MAJIN: variants seen among roughly 807,000 people sequenced by gnomAD.
MAJIN encodes the protein membrane anchored junction protein.
Under a neutral mutation model 30.2 loss-of-function variants are expected in MAJIN, and 27 were observed. The ratio of observed to expected loss-of-function variants is 0.89; its 90% CI spans 0.66 to 1.23. MAJIN has a LOEUF of 1.23. MAJIN is among the 50% of genes most tolerant of loss of function. The pLI is 0.00. For missense variants in MAJIN, 253 were observed against 260.3 expected, an observed-to-expected ratio of 0.97 and a Z score of 0.19; for synonymous variants, 78 against 91.6, an observed-to-expected ratio of 0.85 and a Z score of 0.85.
intron 2 of MAJIN, among the ~76,000 whole-genome samples, chr11:64,959,635 A>G (rs1051322035): frequency 6.6e-6 from 1 of 152,192 alleles, no homozygotes; most frequent in Admixed American, 6.5e-5. Flanking sequence ...TGCAGTCAAA[A>G]GCCCAGAATT....
intron 3 of MAJIN, 24 bp from the exon 4 acceptor site, chr11:64,954,826 C>G: frequency 6.3e-7 from 1 of 1,590,108 alleles, no homozygotes; most frequent in Non-Finnish European, 8.6e-7. Context: ...AGACAAGAGA[C>G]AAGTAAGACA....
chr11:64,969,892 A>G (rs1945871246), intron 1 of MAJIN, among the ~76,000 whole-genome samples: 1 of 152,050 alleles, frequency 6.6e-6, no homozygotes, highest in Non-Finnish European at 1.5e-5. Flanking sequence ...TAAAAGCACC[A>G]TTTTCTGAAA....
chr11:64,963,588 A>C (rs1945760525), intron 1 of MAJIN, among the ~76,000 whole-genome samples: 1 of 152,206 alleles, frequency 6.6e-6, no homozygotes, highest in Admixed American at 6.5e-5. Flanking sequence ...CTGTAATCTC[A>C]GCACTTTGGG....
intron 4 of MAJIN, chr11:64,954,508 G>T: frequency 3.4e-6 from 2 of 587,732 alleles, no homozygotes; most frequent in Non-Finnish European, 6.2e-6. Context: ...CCCAAGGCTG[G>T]AAACTGGTGA....
intron 3 of MAJIN, among the ~76,000 whole-genome samples, chr11:64,956,763 G>GTTTTT (rs398016405): frequency 1.2e-4 from 12 of 102,498 alleles, no homozygotes; most frequent in East Asian, 3.1e-4. Flanking sequence ...CATATAAGCT[G>GTTTTT]TTTTTTTTTT....
At chr11:64,959,473 T>C in intron 2 of MAJIN, 51 bp from the exon 3 acceptor site, 1 of 1,486,284 alleles carries the variant, frequency 6.7e-7, no homozygotes, top group Middle Eastern at 1.8e-4. Context: ...TGTTCCTTAT[T>C]TACAGGAAAG....
intron 8 of MAJIN, among the ~76,000 whole-genome samples, chr11:64,943,195 T>G (rs1945404044): frequency 6.6e-6 from 1 of 152,186 alleles, no homozygotes; most frequent in African/African-American, 2.4e-5. Flanking sequence ...CGAACAGATA[T>G]AGCAAAACAA....
intron 3 of MAJIN, among the ~76,000 whole-genome samples, chr11:64,958,223 T>C (rs1339408553): frequency 6.6e-6 from 1 of 151,824 alleles, no homozygotes; most frequent in Non-Finnish European, 1.5e-5. Context: ...GTGCTGGGAT[T>C]ACAGGCGTGA....
intron 3 of MAJIN, among the ~76,000 whole-genome samples, chr11:64,955,670 G>A (rs1009249381): frequency 1.3e-5 from 2 of 152,196 alleles, no homozygotes; most frequent in Non-Finnish European, 2.9e-5. Flanking sequence ...GCTTTCAAGT[G>A]AAAATTTAAA....
intron 4 of MAJIN, 89 bp downstream of exon 4, chr11:64,954,668 G>T: frequency 7.7e-7 from 1 of 1,302,344 alleles, no homozygotes; most frequent in East Asian, 2.3e-5. Flanking sequence ...TGGAGGTTGT[G>T]ACTCAGTTTG....
chr11:64,947,278 G>C, intron 8 of MAJIN, 96 bp downstream of exon 8: 1 of 1,054,510 alleles, frequency 9.5e-7, no homozygotes, highest in Middle Eastern at 2.4e-4. Flanking sequence ...TCCTGCAAAA[G>C]AAAGTGACTC....
At chr11:64,942,443 C>T (rs1324554355) in intron 8 of MAJIN, among the ~76,000 whole-genome samples, 1 of 151,972 alleles carries the variant, frequency 6.6e-6, no homozygotes, top group East Asian at 1.9e-4. Flanking sequence ...CCCACCCTTT[C>T]CCCCAAGTCC....
At position 64,957,245 on chromosome 11, in the gene MAJIN, ATTTCT is replaced by A. The variant is rs779674345; in HGVS notation, c.101+2055_101+2059del. On this transcript the variant is annotated intron_variant, in intron 3 of 10. Transcript: ENST00000301896. ...AGGTGCAAACCACCATGTCCAGCTA[ATTTCT>A]TTTATTTTTTGTAGAGATGGGGTCT... Among the ~76,000 whole-genome samples the A allele has an allele frequency of 8.6e-5, 13 of 151,210 alleles. 1 individual carries two copies. In the South Asian group the frequency reaches 2.5e-3, roughly 29 times the overall value.
At chr11:64,958,011 G>A (rs1192797160) in intron 3 of MAJIN, among the ~76,000 whole-genome samples, 1 of 151,210 alleles carries the variant, frequency 6.6e-6, no homozygotes, top group Non-Finnish European at 1.5e-5. Flanking sequence ...GGACCATCCC[G>A]GCTCACTGCA....
chr11:64,967,350 G>A (rs1441611047), intron 1 of MAJIN, among the ~76,000 whole-genome samples: 1 of 152,070 alleles, frequency 6.6e-6, no homozygotes, highest in East Asian at 1.9e-4. Context: ...AGGGTGCAAT[G>A]AGCCGAGATG....
chr11:64,965,787 T>A (rs1176507267), intron 1 of MAJIN, among the ~76,000 whole-genome samples: 1 of 151,884 alleles, frequency 6.6e-6, no homozygotes, highest in Non-Finnish European at 1.5e-5. Flanking sequence ...AAACCCCATC[T>A]CTACTAAAAA....
At chr11:64,946,328 A>G (rs1945451541) in intron 8 of MAJIN, among the ~76,000 whole-genome samples, 1 of 152,254 alleles carries the variant, frequency 6.6e-6, no homozygotes, top group African/African-American at 2.4e-5. Flanking sequence ...ACTTCACAGC[A>G]GAATCCCAGT....
At chr11:64,940,831 C>CTTTTT (rs1945364488) in intron 8 of MAJIN, among the ~76,000 whole-genome samples, 185 bp from the exon 9 acceptor site, 2 of 85,038 alleles carry the variant, frequency 2.4e-5, no homozygotes, top group Non-Finnish European at 4.5e-5. Flanking sequence ...TTCTTTTTTT[C>CTTTTT]TTTCTTTTTT....
chr11:64,948,192 T>G (rs1180907764), intron 6 of MAJIN, among the ~76,000 whole-genome samples: 2 of 152,036 alleles, frequency 1.3e-5, no homozygotes, highest in African/African-American at 4.8e-5. Flanking sequence ...TTCTTGGAAC[T>G]GACCCCAGAC....
Sources: gnomAD v4.1 joint callset for allele counts (sites outside exome capture counted in the v4.1 genomes callset) on GRCh38, gnomAD v4.1.1 for gene constraint, MANE v1.5 for transcripts, NCBI Gene and HGNC (gene_info 2026-07-23, HGNC 2026-07-21) for gene names.